The following TGFBI variants were observed in gnomAD, a reference collection of about 807,000 sequenced individuals.
TGFBI encodes the protein transforming growth factor beta induced, also known as transforming growth factor-beta-induced protein ig-h3.
In TGFBI, 50 loss-of-function variants were observed where a neutral mutation model predicts 73.7. The observed-to-expected ratio is 0.68, with a 90% CI of 0.54 to 0.86. TGFBI has a LOEUF of 0.86. TGFBI is among the 40% of genes least tolerant of loss of function. TGFBI has a pLI of 0.00. For synonymous variants in TGFBI, 362 were observed against 360.5 expected (o/e 1.00, Z -0.05); for missense variants, 839 against 877.0 (o/e 0.96, Z 0.55).
At chr5:136,056,878 A>G (rs1179717508) in intron 12 of TGFBI, 83 bp downstream of exon 12, 18 of 1,479,412 alleles carry the variant, frequency 1.2e-5, no homozygotes, top group South Asian at 2.6e-5. Flanking sequence ...TTGGCACATC[A>G]AGGATTGACT....
chr5:136,060,709 T>C (rs1751732162), intron 13 of TGFBI, 125 bp from the exon 14 acceptor site: 1 of 678,848 alleles, frequency 1.5e-6, no homozygotes, highest in African/African-American at 1.8e-5. Context: ...AAACTCCATC[T>C]CAAAAACAAA....
At chr5:136,056,823 C>T (rs1316686033) in intron 12 of TGFBI, 28 bp downstream of exon 12, 3 of 1,592,464 alleles carry the variant, frequency 1.9e-6, no homozygotes, top group Non-Finnish European at 2.6e-6. Flanking sequence ...TACACGTCTC[C>T]ATTTTTCTAA....
intron 4 of TGFBI, 80 bp downstream of exon 4, chr5:136,046,575 A>T: frequency 6.9e-7 from 1 of 1,451,890 alleles, no homozygotes; most frequent in South Asian, 1.4e-5. Flanking sequence ...GATGAATGGG[A>T]GTCTGCAGTC....
chr5:136,057,662 A>T (rs1751671895), intron 12 of TGFBI, among the ~76,000 whole-genome samples: 1 of 152,048 alleles, frequency 6.6e-6, no homozygotes, highest in Non-Finnish European at 1.5e-5. Context: ...GAGACCAAGG[A>T]AAAGGAGGAG....
In TGFBI at chr5:136,049,339, G is replaced by A. The variant is rs544020570; in HGVS notation, c.772-100G>A. The A allele has an allele frequency of 8.2e-6, 12 of 1,456,680 alleles. No individual in the cohort carries two copies. In the Admixed American group the frequency reaches 1.7e-4, roughly 21 times the overall value. The allele number at this position is 1,456,680 out of a possible 1,614,324, so 90.2% of individuals were successfully genotyped here. A position where few individuals can be genotyped will look rare whatever the true frequency, so the allele number is the denominator to read the frequency against. On this transcript the variant is annotated intron_variant, in intron 6 of 16. Transcript: ENST00000442011. ...GTTTTCGTCTTGGGCTTCTGTGAAA[G>A]CCTCGAGCCCTTGCGGGGAACCAGT...
intron 2 of TGFBI, among the ~76,000 whole-genome samples, chr5:136,038,109 A>T (rs1751263136): frequency 1.3e-5 from 2 of 152,142 alleles, no homozygotes; most frequent in Non-Finnish European, 1.5e-5. Context: ...AACAGCGGAG[A>T]TCGACCAAAC....
chr5:136,062,286 G>C lies in TGFBI; in HGVS notation c.1987-377G>C, dbSNP rs191330120. On this transcript the variant is annotated intron_variant, in intron 15 of 16. Coordinates refer to ENST00000442011, the MANE Select transcript of TGFBI (RefSeq NM_000358.3). ...TAAACCCAGAGGCCTGGAGCTTACT[G>C]TGTCACTTTACTTTTGTACACAGGG... Among the ~76,000 whole-genome samples, 7 of 152,244 alleles carry C rather than the reference G, an allele frequency of 4.6e-5. No individual in the cohort carries two copies. The South Asian group carries it at 1.2e-3, about 27-fold the overall frequency.
rs117267294 is a variant in TGFBI, at chr5:136,060,736, G to A, written c.1804-98G>A. The A allele has an allele frequency of 1.7e-3, 1,695 of 991,408 alleles. 14 individuals carry two copies. The East Asian group carries it at 0.02, about 12-fold the overall frequency. The allele number at this position is 991,408 out of a possible 1,614,324, so 61.4% of individuals were successfully genotyped here. A position where few individuals can be genotyped will look rare whatever the true frequency, so the allele number is the denominator to read the frequency against. ...AAAAACAAAGAACAAGGAAAAAAAC[G>A]AAAACTGTTCAGTAAACACTTGCTG... On this transcript the variant is annotated intron_variant, in intron 13 of 16. Coordinates refer to ENST00000442011, the MANE Select transcript of TGFBI (RefSeq NM_000358.3).
At chr5:136,041,924 T>C (rs1487645572) in intron 2 of TGFBI, among the ~76,000 whole-genome samples, 1 of 151,978 alleles carries the variant, frequency 6.6e-6, no homozygotes, top group African/African-American at 2.4e-5. Context: ...AGAAAAAGAG[T>C]CTTTGGCCAG....
chr5:136,061,406 C>T (rs943424908), intron 14 of TGFBI, 94 bp from the exon 15 acceptor site: 2 of 883,890 alleles, frequency 2.3e-6, no homozygotes, highest in Non-Finnish European at 1.8e-6. Flanking sequence ...AAATGTGAGC[C>T]AGAAAGCCCA....
intron 1 of TGFBI, among the ~76,000 whole-genome samples, chr5:136,032,340 A>C (rs1045955207): frequency 1.3e-5 from 2 of 152,182 alleles, no homozygotes; most frequent in African/African-American, 2.4e-5. Context: ...AAAACTGGCC[A>C]AGAGGTGACA....
chr5:136,030,131 T>C (rs1025519707), intron 1 of TGFBI, among the ~76,000 whole-genome samples: 1 of 152,220 alleles, frequency 6.6e-6, no homozygotes, highest in Admixed American at 6.5e-5. Flanking sequence ...CAACTTCTTT[T>C]TCATAACTAG....
At chr5:136,029,223 G>A (rs1297684815) in intron 1 of TGFBI, 34 bp downstream of exon 1, 3 of 1,440,222 alleles carry the variant, frequency 2.1e-6, no homozygotes, top group African/African-American at 1.5e-5. Context: ...GGCTGCGGAA[G>A]GTCAGGTAGT....
At chr5:136,046,226 C>T (rs1257093752) in intron 3 of TGFBI, 109 bp from the exon 4 acceptor site, 2 of 1,362,912 alleles carry the variant, frequency 1.5e-6, no homozygotes, top group East Asian at 2.4e-5. Context: ...CCACATGCCT[C>T]CTCGTCCTCT....
At position 136,052,915 on chromosome 5, in the gene TGFBI, A is replaced by G; in HGVS notation, c.922A>G (p.Asn308Asp). Residue 308 changes from asparagine to aspartate, a missense_variant, in exon 8 of 17, where the codon AAC becomes GAC. By Grantham distance (23) the Asn-to-Asp change is conservative. Transcript: ENST00000442011. The stretch of plus-strand genomic sequence containing the variant: ...GTCTGTTTGGACCCCAGACCTGCTG[A>G]ACAACCACATCTTGAAGTCAGCTAT... The part of the protein sequence containing the change: ...GDPEALRDLL[N>D]NHILKSAMCA... 6.2e-7 allele frequency: 1 copy of G among 1,613,722 alleles called. No individual in the cohort carries two copies. Among genetic ancestry groups the G allele is most frequent in the East Asian group, 2.2e-5 (1 of 44,882 alleles).
chr5:136,047,248 C>A (rs1465809227), intron 5 of TGFBI, 26 bp from the exon 6 acceptor site: 1 of 1,612,052 alleles, frequency 6.2e-7, no homozygotes, highest in Non-Finnish European at 8.5e-7. Flanking sequence ...GTGTTGACTG[C>A]TCATCCTTGC....
At position 136,049,475 on chromosome 5, in the gene TGFBI, G is replaced by A. The variant is rs755874694; in HGVS notation, c.808G>A (p.Glu270Lys). The change falls in exon 7 of 17, where the codon GAA becomes AAA. Residue 270 changes from glutamate (E) to lysine (K), a missense_variant. Transcript: ENST00000442011. ...VAASGLNTML[E>K]GNGQYTLLAP... The stretch of plus-strand genomic sequence containing the variant: ...TGCATCAGGGCTCAACACGATGCTT[G>A]AAGGTAACGGCCAGTACACGCTTTT... 8.7e-6 allele frequency: 14 copies of A among 1,614,024 alleles called. No individual in the cohort carries two copies. Among genetic ancestry groups the A allele is most frequent in the Non-Finnish European group, 1.2e-5 (14 of 1,179,884 alleles).
intron 15 of TGFBI, 46 bp downstream of exon 15, chr5:136,061,625 C>T: frequency 1.3e-6 from 2 of 1,531,152 alleles, no homozygotes; most frequent in Non-Finnish European, 1.8e-6. Flanking sequence ...AGCCTCAGGT[C>T]CTCTGTTTGG....
At chr5:136,036,949 A>G (rs1751236010) in intron 2 of TGFBI, among the ~76,000 whole-genome samples, 1 of 152,148 alleles carries the variant, frequency 6.6e-6, no homozygotes, top group South Asian at 2.1e-4. Context: ...GAAGCAGACA[A>G]CGGGTACCAA....
Sources: gnomAD v4.1 joint callset for allele counts (sites outside exome capture counted in the v4.1 genomes callset) on GRCh38, gnomAD v4.1.1 for gene constraint, MANE v1.5 for transcripts, NCBI Gene and HGNC (gene_info 2026-07-23, HGNC 2026-07-21) for gene names.